Variants in DNAJC14 observed in about 807,000 individuals in gnomAD.
DNAJC14 encodes dnaJ homolog subfamily C member 14.
DNAJC14 carries 12 observed loss-of-function variants against 68.8 expected under a neutral mutation model. The ratio of observed to expected loss-of-function variants is 0.17; its 90% CI spans 0.11 to 0.28. DNAJC14 has a LOEUF of 0.28. Among genes scored for constraint, DNAJC14 ranks in the 10% least tolerant of loss-of-function variants. The pLI, the probability that DNAJC14 is intolerant of heterozygous loss-of-function variation, is 1.00. For synonymous variants in DNAJC14, 350 were observed against 321.5 expected (o/e 1.09, Z -0.95); for missense variants, 764 against 875.6 (o/e 0.87, Z 1.61).
rs1183091309 is a variant in DNAJC14 at position 55,821,087 on chromosome 12, C to T, written c.*890G>A. ...AAAAAAAATACAAACCCTTGGATCACATGGGGGCTTCTGGGAACCCCCGTA... is the reference window on the plus strand; with the variant it reads ...AAAAAAAATACAAACCCTTGGATCATATGGGGGCTTCTGGGAACCCCCGTA... On this transcript the variant is annotated 3_prime_UTR_variant, in exon 7 of 7. Coordinates refer to ENST00000678005, the MANE Select transcript of DNAJC14 (RefSeq NM_032364.6). 1.3e-5 allele frequency: 2 copies of T among 152,640 alleles called. No homozygotes were observed. The highest frequency in any genetic ancestry group is 6.5e-5 in the Admixed American group (1 of 15,280). The allele number at this position is 152,640 out of a possible 1,614,324, so 9.5% of individuals were successfully genotyped here. A position where few individuals can be genotyped will look rare whatever the true frequency, so the allele number is the denominator to read the frequency against.
chr12:55,822,825 A>G (rs1489920981), intron 4 of DNAJC14, 93 bp from the exon 5 acceptor site: 2 of 1,505,744 alleles, frequency 1.3e-6, no homozygotes, highest in Non-Finnish European at 1.8e-6. Flanking sequence ...ATAGGGCTGA[A>G]ACATCTAAAA....
chr12:55,827,627 C>T lies in DNAJC14; in HGVS notation c.1032G>A (p.Leu344=). The T allele has an allele frequency of 6.2e-7, 1 of 1,611,272 alleles. No homozygotes were observed. Among genetic ancestry groups the T allele is most frequent in the Non-Finnish European group, 8.5e-7 (1 of 1,178,582 alleles). ...ALALFLGFLQ[L]GWRFLVGLGD... is the part of the protein sequence containing the mutation. ...CTAGTCCCACCAGAAACCGCCATCCCAACTGTAGAAAGCCCAAAAAGAGGG... is the reference window on the plus strand; with the variant it reads ...CTAGTCCCACCAGAAACCGCCATCCTAACTGTAGAAAGCCCAAAAAGAGGG... The change falls in exon 2 of 7, where the codon TTG becomes TTA. Residue 344 remains leucine (L), a synonymous_variant. Transcript: ENST00000678005.
At chr12:55,826,335 A>C (rs1247852528) in intron 2 of DNAJC14, among the ~76,000 whole-genome samples, 1 of 120,716 alleles carries the variant, frequency 8.3e-6, no homozygotes, top group Admixed American at 1.1e-4. Context: ...TAGGTTCATG[A>C]TCGCAGCTTG....
rs1457818731 is a variant in DNAJC14 at position 55,828,145 on chromosome 12, C to T, written c.514G>A (p.Asp172Asn). 1.2e-6 allele frequency: 2 copies of T among 1,610,740 alleles called. No homozygotes were observed. The highest frequency in any genetic ancestry group is 2.2e-5 in the South Asian group (2 of 90,598). The change falls in exon 2 of 7, where the codon GAT becomes AAT. Residue 172 changes from aspartate to asparagine, a missense_variant. Asp to Asn is a conservative substitution (Grantham distance 23, BLOSUM62 1). This residue lies in a region of DNAJC14 where 514 missense variants were observed against 521.7 expected (regional missense o/e 0.99). Transcript: ENST00000678005. ...LGEDELEEEY[D>N]DEESLKFPSD... ...GGGAACTTGAGAGATTCTTCATCAT[C>T]ATATTCCTCTTCCAACTCATCTTCC...
chr12:55,825,566 C>T (rs1489997483), intron 2 of DNAJC14, among the ~76,000 whole-genome samples: 1 of 104,378 alleles, frequency 9.6e-6, no homozygotes, highest in Admixed American at 1.3e-4. Flanking sequence ...TTTTTTGAGA[C>T]GGTGTCTTGT....
At chr12:55,828,817 T>TC (rs1880880569) in intron 1 of DNAJC14, 103 bp from the exon 2 acceptor site, 21 of 1,344,512 alleles carry the variant, frequency 1.6e-5, no homozygotes, top group Non-Finnish European at 2.0e-5. Context: ...TCCCTTGTTT[T>TC]CCCAAGTTCT....
At chr12:55,829,316 G>A in intron 1 of DNAJC14, 173 bp downstream of exon 1, 1 of 877,068 alleles carries the variant, frequency 1.1e-6, no homozygotes, top group Non-Finnish European at 1.4e-6. Context: ...GTGGTGGCGC[G>A]CACCTGTAGT....
At chr12:55,826,869 T>C (rs1217507103) in intron 2 of DNAJC14, among the ~76,000 whole-genome samples, 2 of 151,330 alleles carry the variant, frequency 1.3e-5, no homozygotes, top group Non-Finnish European at 2.9e-5. Flanking sequence ...TTCCCTTTAT[T>C]CCACTCTCCC....
At position 55,828,568 on chromosome 12, in the gene DNAJC14, G is replaced by A; in HGVS notation, c.91C>T (p.Pro31Ser). ...AGTCCTGAGAATGAAGGTATTTCAG[G>A]GTCCACGGAGGGTCCTAAAGTCCTG... ...SLRTLGPSVD[P>S]EIPSFSGLRD... The change falls in exon 2 of 7, where the codon CCT becomes TCT. Residue 31 changes from proline (P) to serine (S), a missense_variant. By Grantham distance (74) the Pro-to-Ser change is moderately conservative. Coordinates refer to ENST00000678005, the MANE Select transcript of DNAJC14 (RefSeq NM_032364.6). 1.2e-6 allele frequency: 2 copies of A among 1,614,106 alleles called. No homozygotes were observed. Among genetic ancestry groups the A allele is most frequent in the Non-Finnish European group, 8.5e-7 (1 of 1,180,034 alleles).
At position 55,822,430 on chromosome 12, in the gene DNAJC14, CTG is replaced by C; in HGVS notation, c.1839_1840del (p.His613GlnfsTer29). 1 of 1,613,760 alleles carries C rather than the reference CTG, an allele frequency of 6.2e-7. No individual in the cohort carries two copies. Among genetic ancestry groups the C allele is most frequent in the Non-Finnish European group, 8.5e-7 (1 of 1,180,028 alleles). ...ACCAAATGAGATGTGATAGGGGACT[CTG>C]TGGGTATCTGGGGAGATACCTACAC... On this transcript the variant is annotated frameshift_variant, in exon 6 of 7. Transcript: ENST00000678005. LOFTEE classifies it high-confidence loss of function.
At position 55,827,809 on chromosome 12, in the gene DNAJC14, A is replaced by C. The variant is rs1023228579; in HGVS notation, c.850T>G (p.Leu284Val). The C allele has an allele frequency of 1.2e-6, 2 of 1,614,000 alleles. No individual in the cohort carries two copies. The highest frequency in any genetic ancestry group is 1.7e-5 in the Admixed American group (1 of 59,988). Residue 284 changes from leucine to valine, a missense_variant, in exon 2 of 7, where the codon TTG (leucine) becomes GTG (valine). Leu to Val is a conservative substitution (Grantham distance 32). Coordinates refer to ENST00000678005, the MANE Select transcript of DNAJC14 (RefSeq NM_032364.6). Reference protein sequence around the residue: ...YACRQLKSSDLDLFRVWMGVW... With the variant: ...YACRQLKSSDVDLFRVWMGVW... ...CCCATCCAAACTCGAAAAAGGTCCA[A>C]ATCACTGCTTTTCAGTTGCCTGCAG... is the stretch of plus-strand genomic sequence containing the variant.
chr12:55,822,433 T>G lies in DNAJC14; in HGVS notation c.1838A>C (p.His613Pro). 6.2e-7 allele frequency: 1 copy of G among 1,613,774 alleles called. No individual in the cohort carries two copies. Among genetic ancestry groups the G allele is most frequent in the Non-Finnish European group, 8.5e-7 (1 of 1,180,022 alleles). The change falls in exon 6 of 7, where the codon CAC becomes CCC. Residue 613 changes from histidine to proline, a missense_variant. His to Pro is a moderately conservative substitution (Grantham distance 77). Around this residue, in one of 4 missense-constraint regions of DNAJC14, gnomAD observed 134 missense variants for 162.3 expected, o/e 0.83. Transcript: ENST00000678005. ...AAATGAGATGTGATAGGGGACTCTGTGGGTATCTGGGGAGATACCTACACG... is the reference window on the plus strand; with the variant it reads ...AAATGAGATGTGATAGGGGACTCTGGGGGTATCTGGGGAGATACCTACACG... ...CQRVGISPDT[H>P]RVPYHISFGS...
Position 55,823,487 on chromosome 12 carries a change from G to T in DNAJC14, c.1429C>A (p.His477Asn). 2 of 1,614,118 alleles carry T rather than the reference G, an allele frequency of 1.2e-6. No homozygotes were observed. Among genetic ancestry groups the T allele is most frequent in the Non-Finnish European group, 1.7e-6 (2 of 1,180,042 alleles). ...TTGAAGGCCTCCTCAGCCCGGGGATGATGATTTTTGTCAGGATGAACCTAC... is the reference window on the plus strand; with the variant it reads ...TTGAAGGCCTCCTCAGCCCGGGGATTATGATTTTTGTCAGGATGAACCTAC... ...AVMVHPDKNH[H>N]PRAEEAFKVL... Residue 477 changes from histidine (H) to asparagine (N), a missense_variant, in exon 3 of 7, where the codon CAT becomes AAT. Physicochemically the swap from His to Asn is moderately conservative, Grantham distance 68. This residue lies in a region of DNAJC14 where 110 missense variants were observed against 162.7 expected (regional missense o/e 0.68). Transcript: ENST00000678005.
At position 55,827,734 on chromosome 12, in the gene DNAJC14, G is replaced by A; in HGVS notation, c.925C>T (p.Leu309=). The A allele has an allele frequency of 6.2e-7, 1 of 1,614,146 alleles. No homozygotes were observed. The highest frequency in any genetic ancestry group is 1.7e-4 in the Middle Eastern group (1 of 6,060). The change falls in exon 2 of 7, where the codon CTA becomes TTA. Residue 309 remains leucine (L), a synonymous_variant. Coordinates refer to ENST00000678005, the MANE Select transcript of DNAJC14 (RefSeq NM_032364.6). The part of the protein sequence containing the change: ...GGWAQVMFQF[L]SQGFYCGVGL... ...ACTCCACAGTAAAACCCCTGGCTTA[G>A]AAACTGAAACATGACCTGGGCCCAG... is the stretch of plus-strand genomic sequence containing the variant.
intron 2 of DNAJC14, among the ~76,000 whole-genome samples, chr12:55,826,534 G>A (rs1374920172): frequency 6.6e-6 from 1 of 152,144 alleles, no homozygotes; most frequent in African/African-American, 2.4e-5. Flanking sequence ...GGGCACAGTG[G>A]CTCCTGCCTG....
chr12:55,829,601 G>T (rs976842576), upstream of DNAJC14: 4 of 985,326 alleles, frequency 4.1e-6, no homozygotes, highest in Non-Finnish European at 4.8e-6. Context: ...TCCGCCTTCC[G>T]TCCCCGCGGC....
rs143274548 is a variant in DNAJC14 at position 55,827,608 on chromosome 12, C to G, written c.1051G>C (p.Gly351Arg). 11 of 1,608,006 alleles carry G rather than the reference C, an allele frequency of 6.8e-6. No individual in the cohort carries two copies. The African/African-American group carries it at 1.5e-4, about 22-fold the overall frequency. The change falls in exon 2 of 7, where the codon GGA (glycine) becomes CGA (arginine). Residue 351 changes from glycine to arginine, a missense_variant. Transcript: ENST00000678005. ...CTCCAGCCTAACCGGTCACCTAGTCCCACCAGAAACCGCCATCCCAACTGT... is the reference window on the plus strand; with the variant it reads ...CTCCAGCCTAACCGGTCACCTAGTCGCACCAGAAACCGCCATCCCAACTGT... ...FLQLGWRFLVGLGDRLGWRDK... is the reference protein window; with the variant it reads ...FLQLGWRFLVRLGDRLGWRDK...
rs1449841788 is a variant in DNAJC14, at chr12:55,823,379, A to T, written c.1514+23T>A. On this transcript the variant is annotated intron_variant, in intron 3 of 6. Coordinates refer to ENST00000678005, the MANE Select transcript of DNAJC14 (RefSeq NM_032364.6). ...AGGATTTTTCATTTACCATTATCTG[A>T]TGATTTCCCATCTCCAACTTACATC... 2.5e-6 allele frequency: 4 copies of T among 1,612,458 alleles called. No homozygotes were observed. In the African/African-American group the frequency reaches 5.3e-5, roughly 22 times the overall value.
chr12:55,826,273 T>TC (rs1404933050), intron 2 of DNAJC14, among the ~76,000 whole-genome samples: 47 of 137,040 alleles, frequency 3.4e-4, no homozygotes, highest in African/African-American at 1.2e-3. Context: ...GAAAATATCT[T>TC]TTTTTTTTTT....
Sources: gnomAD v4.1 joint callset for allele counts (sites outside exome capture counted in the v4.1 genomes callset) on GRCh38, gnomAD v4.1.1 for gene constraint, gnomAD v4.1.1 regional missense constraint, MANE v1.5 for transcripts, NCBI Gene and HGNC (gene_info 2026-07-23, HGNC 2026-07-21) for gene names.